LRMDA: variants seen among roughly 807,000 people sequenced by gnomAD.
The protein encoded by LRMDA is leucine rich melanocyte differentiation associated.
In LRMDA, 18 loss-of-function variants were observed where a neutral mutation model predicts 29.8. That is an observed-to-expected ratio of 0.60 (90% CI 0.42 to 0.90). The LOEUF is 0.90. Among genes scored for constraint, LRMDA ranks in the 40% least tolerant of loss-of-function variants. LRMDA has a pLI of 0.00. For synonymous variants in LRMDA, 125 were observed against 109.4 expected, an observed-to-expected ratio of 1.14 and a Z score of -0.89; for missense variants, 273 against 273.9, an observed-to-expected ratio of 1.00 and a Z score of 0.02.
chr10:76,514,605 C>G (rs1360590686), intron 6 of LRMDA, among the ~76,000 whole-genome samples: 1 of 152,032 alleles, frequency 6.6e-6, no homozygotes. Flanking sequence ...GGAGAGAGTT[C>G]CCACATGTGT....
At chr10:76,550,670 CCTGGGTAAG>C (rs1468744586) in intron 6 of LRMDA, among the ~76,000 whole-genome samples, 5 of 152,088 alleles carry the variant, frequency 3.3e-5, no homozygotes, top group Non-Finnish European at 7.4e-5. Context: ...TCCACCCTCC[CCTGGGTAAG>C]GTGTAGAGCC....
intron 2 of LRMDA, among the ~76,000 whole-genome samples, chr10:75,935,843 GT>G (rs1296394516): frequency 1.3e-5 from 2 of 152,136 alleles, no homozygotes; most frequent in African/African-American, 4.8e-5. Context: ...CCTCCCAGAG[GT>G]TTGGAAAATC....
At chr10:75,463,829 G>A (rs1029479706) in intron 2 of LRMDA, among the ~76,000 whole-genome samples, 12 of 152,072 alleles carry the variant, frequency 7.9e-5, no homozygotes, top group African/African-American at 2.4e-4. Flanking sequence ...TACCAGGTTC[G>A]GCTAATTTTG....
intron 2 of LRMDA, among the ~76,000 whole-genome samples, chr10:75,787,893 G>T (rs1564567903): frequency 6.6e-6 from 1 of 152,338 alleles, no homozygotes; most frequent in South Asian, 2.1e-4. Flanking sequence ...GCTGGGCATG[G>T]TGGTGGGCAC....
chr10:75,693,003 C>T (rs1589160489), intron 2 of LRMDA, among the ~76,000 whole-genome samples: 1 of 152,082 alleles, frequency 6.6e-6, no homozygotes, highest in African/African-American at 2.4e-5. Flanking sequence ...ATTCATCCTG[C>T]CCTGTTCAGG....
intron 5 of LRMDA, among the ~76,000 whole-genome samples, chr10:76,215,935 T>A (rs1293015172): frequency 1.6e-4 from 24 of 152,220 alleles, no homozygotes; most frequent in Admixed American, 1.4e-3. Flanking sequence ...CTTGCATAAA[T>A]TTAAAATGTA....
chr10:76,527,351 C>T (rs1372859878), intron 6 of LRMDA, among the ~76,000 whole-genome samples: 2 of 152,188 alleles, frequency 1.3e-5, no homozygotes, highest in Non-Finnish European at 1.5e-5. Context: ...CAGAGACTCA[C>T]TGTCTAGATC....
intron 5 of LRMDA, among the ~76,000 whole-genome samples, chr10:76,283,151 C>T (rs1037025883): frequency 8.5e-5 from 13 of 152,124 alleles, no homozygotes; most frequent in Non-Finnish European, 1.9e-4. Context: ...TTGTGTTTCC[C>T]CACAGATCTG....
chr10:75,824,678 T>G (rs1179875452), intron 2 of LRMDA, among the ~76,000 whole-genome samples: 1 of 152,140 alleles, frequency 6.6e-6, no homozygotes, highest in Admixed American at 6.5e-5. Flanking sequence ...TAAACTACTT[T>G]ATCTAAACAA....
intron 2 of LRMDA, among the ~76,000 whole-genome samples, chr10:75,608,109 T>TATATATATATATATATATA (rs1840979567): frequency 2.5e-5 from 2 of 79,210 alleles, no homozygotes; most frequent in Non-Finnish European, 5.3e-5. Flanking sequence ...TTGTAGTGTG[T>TATATATATATATATATATA]GTATATATAT....
chr10:76,291,833 C>A (rs1840344790), intron 5 of LRMDA, among the ~76,000 whole-genome samples: 1 of 151,806 alleles, frequency 6.6e-6, no homozygotes, highest in Non-Finnish European at 1.5e-5. Context: ...ATCAAGTTAC[C>A]TCTTTATTGA....
chr10:75,561,649 C>T (rs1266782574), intron 2 of LRMDA, among the ~76,000 whole-genome samples: 1 of 151,252 alleles, frequency 6.6e-6, no homozygotes, highest in Non-Finnish European at 1.5e-5. Flanking sequence ...ATCTTTCCTG[C>T]TTTCTCTTGT....
rs142158638 is a variant in LRMDA at position 75,846,273 on chromosome 10, A to G, written c.132-189735A>G. On this transcript the variant is annotated intron_variant, in intron 2 of 6. Transcript: ENST00000611255. ...TAAGCAGACCCCACCCAGCTTAGTGAGTAAATTCATACCAACCATTCAAAA... is the reference window on the plus strand; with the variant it reads ...TAAGCAGACCCCACCCAGCTTAGTGGGTAAATTCATACCAACCATTCAAAA... 7.9e-3 allele frequency among the ~76,000 whole-genome samples: 1,192 copies of G among 151,754 alleles called. 4 individuals are homozygous for G. The highest frequency in any genetic ancestry group is 0.014 in the Non-Finnish European group (944 of 67,968).
intron 2 of LRMDA, among the ~76,000 whole-genome samples, chr10:75,792,577 A>G (rs1843587641): frequency 6.6e-6 from 1 of 152,032 alleles, no homozygotes; most frequent in Non-Finnish European, 1.5e-5. Flanking sequence ...TATTTTTTTA[A>G]CCATTGAACA....
At chr10:76,427,653 G>A (rs2132279664) in intron 6 of LRMDA, among the ~76,000 whole-genome samples, 1 of 152,298 alleles carries the variant, frequency 6.6e-6, no homozygotes, top group African/African-American at 2.4e-5. Context: ...GAATAGGAGT[G>A]GTGAGAGAGG....
At chr10:75,773,605 G>A (rs1349792835) in intron 2 of LRMDA, among the ~76,000 whole-genome samples, 1 of 152,222 alleles carries the variant, frequency 6.6e-6, no homozygotes, top group Non-Finnish European at 1.5e-5. Context: ...GGTCACCTGA[G>A]GTCTAGGCCT....
At chr10:75,915,032 T>C (rs1457695514) in intron 2 of LRMDA, among the ~76,000 whole-genome samples, 1 of 151,898 alleles carries the variant, frequency 6.6e-6, no homozygotes, top group Non-Finnish European at 1.5e-5. Flanking sequence ...TACTATGTCA[T>C]GACTGACTAC....
intron 5 of LRMDA, among the ~76,000 whole-genome samples, chr10:76,152,810 A>G (rs950162691): frequency 1.3e-5 from 2 of 151,194 alleles, no homozygotes; most frequent in Non-Finnish European, 2.9e-5. Context: ...GATTATTTGT[A>G]TATCTTCTTT....
intron 5 of LRMDA, among the ~76,000 whole-genome samples, chr10:76,168,266 T>G (rs1850775946): frequency 6.6e-6 from 1 of 152,310 alleles, no homozygotes; most frequent in South Asian, 2.1e-4. Context: ...TCAAAATAGC[T>G]TTGACTCCTA....
Sources: gnomAD v4.1 joint callset for allele counts (sites outside exome capture counted in the v4.1 genomes callset) on GRCh38, gnomAD v4.1.1 for gene constraint, MANE v1.5 for transcripts, NCBI Gene and HGNC (gene_info 2026-07-23, HGNC 2026-07-21) for gene names.